Variants in FBXO32 observed in about 807,000 individuals in gnomAD.
The protein encoded by FBXO32 is F-box protein 32.
In FBXO32, 15 loss-of-function variants were observed where a neutral mutation model predicts 48.3. The ratio of observed to expected loss-of-function variants is 0.31; its 90% CI spans 0.21 to 0.48. The LOEUF (loss-of-function observed/expected upper bound fraction) is 0.48, where lower values mean the gene tolerates loss of function less well. Ranked by LOEUF, FBXO32 falls within the 20% of genes least tolerant of loss-of-function variation. The pLI, the probability that FBXO32 is intolerant of heterozygous loss-of-function variation, is 0.99. For synonymous variants in FBXO32, 154 were observed against 165.9 expected, an observed-to-expected ratio of 0.93 and a Z score of 0.55; for missense variants, 309 against 432.7, an observed-to-expected ratio of 0.71 and a Z score of 2.54.
intron 4 of FBXO32, among the ~76,000 whole-genome samples, chr8:123,526,750 C>G (rs1431718793): frequency 6.6e-6 from 1 of 152,230 alleles, no homozygotes; most frequent in Non-Finnish European, 1.5e-5. Context: ...CTATCTGCCT[C>G]TACCACATCT....
intron 4 of FBXO32, among the ~76,000 whole-genome samples, chr8:123,524,306 G>A (rs765832702): frequency 7.2e-5 from 11 of 152,124 alleles, no homozygotes; most frequent in East Asian, 3.9e-4. Context: ...CCTAGACACC[G>A]CAGGATCTGC....
At position 123,540,342 on chromosome 8, in the gene FBXO32, C is replaced by A. The variant is rs1157839529; in HGVS notation, c.116+557G>T. The stretch of plus-strand genomic sequence containing the variant: ...AGTAAGCGGCTGCCCCAGGGACCAT[C>A]TGGCCGTCCCTTCCTGGTTACTCAT... On this transcript the variant is annotated intron_variant, in intron 1 of 8. Transcript: ENST00000517956. This position sits in a 1 kb window ranked among gnomAD's most constrained non-coding sequence, Gnocchi z 6.4. Among the ~76,000 whole-genome samples the A allele has an allele frequency of 6.6e-6, 1 of 152,258 alleles. No individual in the cohort carries two copies. The highest frequency in any genetic ancestry group is 1.5e-5 in the Non-Finnish European group (1 of 68,046).
chr8:123,510,543 G>GTGGA (rs1453680467), intron 6 of FBXO32, among the ~76,000 whole-genome samples: 2 of 152,138 alleles, frequency 1.3e-5, no homozygotes, highest in Non-Finnish European at 2.9e-5. Flanking sequence ...AACCCAGGAG[G>GTGGA]TGGAGGCTGC....
At position 123,529,091 on chromosome 8, in the gene FBXO32, C is replaced by A. The variant is rs1043383444; in HGVS notation, c.372+2807G>T. 2.6e-5 allele frequency among the ~76,000 whole-genome samples: 4 copies of A among 152,126 alleles called. No homozygotes were observed. The East Asian group carries it at 5.8e-4, about 22-fold the overall frequency. Reference sequence around the variant, plus strand: ...TTCTTCATAAAAATAACATATTATTCCTCAAATTACAGAGGTCTCTAATAG... The same window carrying A: ...TTCTTCATAAAAATAACATATTATTACTCAAATTACAGAGGTCTCTAATAG... On this transcript the variant is annotated intron_variant, in intron 4 of 8. Coordinates refer to ENST00000517956, the MANE Select transcript of FBXO32 (RefSeq NM_058229.4).
intron 4 of FBXO32, among the ~76,000 whole-genome samples, chr8:123,526,540 T>G (rs374845493): frequency 6.6e-6 from 1 of 152,250 alleles, no homozygotes; most frequent in East Asian, 1.9e-4. Context: ...GATCCTATAT[T>G]CTAAAGCACA....
chr8:123,533,280 A>G (rs1817245843), intron 2 of FBXO32, 40 bp from the exon 3 acceptor site: 3 of 1,466,458 alleles, frequency 2.0e-6, no homozygotes, highest in Non-Finnish European at 2.9e-6. Flanking sequence ...AACATCTGCA[A>G]CATGCTCAAG....
At chr8:123,538,640 G>A (rs1447455366) in intron 1 of FBXO32, among the ~76,000 whole-genome samples, 2 of 151,852 alleles carry the variant, frequency 1.3e-5, no homozygotes, top group African/African-American at 4.8e-5. Flanking sequence ...TACAGTTGCT[G>A]GAAAAAAAAA....
Position 123,501,415 on chromosome 8 carries a change from T to C in FBXO32, c.*1958A>G, listed in dbSNP as rs1816484504. ...AAAACACACACCTTAGATAGAATAA[T>C]GGTTCGTGACCTTCCAAAGCTCAAT... On this transcript the variant is annotated 3_prime_UTR_variant, in exon 9 of 9. Coordinates refer to ENST00000517956, the MANE Select transcript of FBXO32 (RefSeq NM_058229.4). 1 of 150,964 alleles carries C rather than the reference T, an allele frequency of 6.6e-6. No individual in the cohort carries two copies. The allele number at this position is 150,964 out of a possible 1,614,324, so 9.4% of individuals were successfully genotyped here.
intron 4 of FBXO32, among the ~76,000 whole-genome samples, chr8:123,526,139 A>C (rs1295911067): frequency 6.6e-6 from 1 of 152,006 alleles, no homozygotes; most frequent in Non-Finnish European, 1.5e-5. Context: ...TGCTATTGTC[A>C]TCATTTCCAT....
chr8:123,541,056 C>A lies in FBXO32; in HGVS notation c.-42G>T, dbSNP rs1306696709. The A allele has an allele frequency of 2.1e-6, 3 of 1,405,576 alleles. No homozygotes were observed. The South Asian group carries it at 3.9e-5, about 18-fold the overall frequency. The allele number at this position is 1,405,576 out of a possible 1,614,324, so 87.1% of individuals were successfully genotyped here. A position where few individuals can be genotyped will look rare whatever the true frequency, so the allele number is the denominator to read the frequency against. On this transcript the variant is annotated 5_prime_UTR_variant, in exon 1 of 9. Coordinates refer to ENST00000517956, the MANE Select transcript of FBXO32 (RefSeq NM_058229.4). Reference sequence around the variant, plus strand: ...TAGACGGATGGGGAGACGGGGCCGGCCTGGTGGGCTCGGGGACGTGCCACC... The same window carrying A: ...TAGACGGATGGGGAGACGGGGCCGGACTGGTGGGCTCGGGGACGTGCCACC...
At position 123,506,021 on chromosome 8, in the gene FBXO32, TGAG is replaced by T. The variant is rs1234404030; in HGVS notation, c.834+368_834+370del. On this transcript the variant is annotated intron_variant, in intron 7 of 8. Transcript: ENST00000517956. The surrounding 1 kb of genome is among the most constrained non-coding windows in gnomAD (Gnocchi z 4.0). The stretch of plus-strand genomic sequence containing the variant: ...GGAGGACTGCTTGAGGCCAGGAGTT[TGAG>T]GTCAGCCTGGGCAACATAGAGAGAC... Among the ~76,000 whole-genome samples, 1 of 151,986 alleles carries T rather than the reference TGAG, an allele frequency of 6.6e-6. No individual in the cohort carries two copies. Among genetic ancestry groups the T allele is most frequent in the East Asian group, 1.9e-4 (1 of 5,162 alleles).
chr8:123,523,868 G>A (rs755900340), intron 4 of FBXO32, among the ~76,000 whole-genome samples: 1 of 152,082 alleles, frequency 6.6e-6, no homozygotes, highest in Non-Finnish European at 1.5e-5. Context: ...CCCTAAAGTT[G>A]ATGATGACAG....
At position 123,504,586 on chromosome 8, in the gene FBXO32, C is replaced by T; in HGVS notation, c.978+18G>A. ...GGCTGGGCTGGGGGTCTGTGGCAGC[C>T]ACCTCTGAGACACATACCTTCCAGG... On this transcript the variant is annotated intron_variant, in intron 8 of 8. Coordinates refer to ENST00000517956, the MANE Select transcript of FBXO32 (RefSeq NM_058229.4). 1 of 1,605,474 alleles carries T rather than the reference C, an allele frequency of 6.2e-7. No individual in the cohort carries two copies. The highest frequency in any genetic ancestry group is 8.5e-7 in the Non-Finnish European group (1 of 1,176,074).
chr8:123,506,489 A>G lies in FBXO32; in HGVS notation c.737T>C (p.Leu246Pro). 1.2e-6 allele frequency: 2 copies of G among 1,614,042 alleles called. No individual in the cohort carries two copies. Among genetic ancestry groups the G allele is most frequent in the Non-Finnish European group, 1.7e-6 (2 of 1,179,968 alleles). The change falls in exon 7 of 9, where the codon CTG becomes CCG. Residue 246 changes from leucine to proline, a missense_variant. Transcript: ENST00000517956. This position sits in a 1 kb window ranked among gnomAD's most constrained non-coding sequence, Gnocchi z 4.0. ...IMQRLSDGRD[L>P]VSLGQAAPDL... ...GGGGGCAGCCTGGCCCAGGCTGACC[A>G]GGTCCCGCCCGTCGCTCAGCCTCTG...
Position 123,534,727 on chromosome 8 carries a change from C to G in FBXO32, c.204G>C (p.Met68Ile), listed in dbSNP as rs1817277185. The change falls in exon 2 of 9, where the codon ATG (methionine) becomes ATC (isoleucine). Residue 68 changes from methionine (M) to isoleucine (I), a missense_variant. Met to Ile is a conservative substitution (Grantham distance 10, BLOSUM62 1). Coordinates refer to ENST00000517956, the MANE Select transcript of FBXO32 (RefSeq NM_058229.4). The stretch of plus-strand genomic sequence containing the variant: ...ACTGAGTTTTGGTTTTGCTATTCAG[C>G]ATGTCCTTCTTTCTCTTCTTGGCTG... The part of the protein sequence containing the change: ...DVAAKKRKKD[M>I]LNSKTKTQYF... 8 of 1,613,498 alleles carry G rather than the reference C, an allele frequency of 5.0e-6. No individual in the cohort carries two copies. In the East Asian group the frequency reaches 1.8e-4, roughly 36 times the overall value.
chr8:123,506,946 A>G lies in FBXO32; in HGVS notation c.652-372T>C, dbSNP rs1416813598. On this transcript the variant is annotated intron_variant, in intron 6 of 8. Transcript: ENST00000517956. The surrounding 1 kb of genome is among the most constrained non-coding windows in gnomAD (Gnocchi z 4.0). The stretch of plus-strand genomic sequence containing the variant: ...ATGGAGTGGCCCAGCCTGCCACCCC[A>G]AGTCCCATCTCTCTGGCCCCCCTCC... Among the ~76,000 whole-genome samples the G allele has an allele frequency of 6.6e-6, 1 of 152,122 alleles. No homozygotes were observed. Among genetic ancestry groups the G allele is most frequent in the Non-Finnish European group, 1.5e-5 (1 of 68,022 alleles).
At chr8:123,528,637 G>C (rs556102463) in intron 4 of FBXO32, among the ~76,000 whole-genome samples, 1 of 152,270 alleles carries the variant, frequency 6.6e-6, no homozygotes, top group South Asian at 2.1e-4. Context: ...ATCTTTCTAA[G>C]TTATAGTAAA....
rs1156487863 is a variant in FBXO32, at chr8:123,502,048, T to G, written c.*1325A>C. The G allele has an allele frequency of 6.6e-6, 1 of 152,170 alleles. No homozygotes were observed. The highest frequency in any genetic ancestry group is 2.4e-5 in the African/African-American group (1 of 41,440). The allele number at this position is 152,170 out of a possible 1,614,324, so 9.4% of individuals were successfully genotyped here. A position where few individuals can be genotyped will look rare whatever the true frequency, so the allele number is the denominator to read the frequency against. On this transcript the variant is annotated 3_prime_UTR_variant, in exon 9 of 9. Coordinates refer to ENST00000517956, the MANE Select transcript of FBXO32 (RefSeq NM_058229.4). The stretch of plus-strand genomic sequence containing the variant: ...TAAGATCCCCTTGGGATCTTCCTGT[T>G]TTAACTACCCAGCCCGGAAGCAAGT...
At chr8:123,534,572 T>A in intron 2 of FBXO32, 130 bp downstream of exon 2, 1 of 550,620 alleles carries the variant, frequency 1.8e-6, no homozygotes, top group Non-Finnish European at 3.2e-6. Flanking sequence ...CTCAGTAACC[T>A]CTGTCAGTGA....
Sources: gnomAD v4.1 joint callset for allele counts (sites outside exome capture counted in the v4.1 genomes callset) on GRCh38, gnomAD v4.1.1 for gene constraint, Gnocchi (gnomAD v3.1) non-coding constraint, MANE v1.5 for transcripts, NCBI Gene and HGNC (gene_info 2026-07-23, HGNC 2026-07-21) for gene names.